PALB2: variants seen among roughly 807,000 people sequenced by gnomAD.
The protein encoded by PALB2 is mutant partner and localizer of BRCA2.
PALB2 carries 82 observed loss-of-function variants against 107.4 expected under a neutral mutation model. The observed-to-expected ratio is 0.76, with a 90% CI of 0.64 to 0.92. The LOEUF (loss-of-function observed/expected upper bound fraction) is 0.92. PALB2 is among the 40% of genes least tolerant of loss of function. PALB2 has a pLI of 0.00. For synonymous variants in PALB2, 489 were observed against 496.8 expected, an observed-to-expected ratio of 0.98 and a Z score of 0.21; for missense variants, 1,374 against 1,379.9, an observed-to-expected ratio of 1.00 and a Z score of 0.07.
chr16:23,610,955 C>G (rs1966573976), intron 11 of PALB2, among the ~76,000 whole-genome samples: 1 of 151,960 alleles, frequency 6.6e-6, no homozygotes, highest in Admixed American at 6.6e-5. Flanking sequence ...CACAGAATTG[C>G]TTGAACCTGG....
chr16:23,630,308 C>G lies in PALB2; in HGVS notation c.1846G>C (p.Asp616His), dbSNP rs786201907. Residue 616 changes from aspartate to histidine, a missense_variant, in exon 5 of 13, where the codon GAT becomes CAT. By Grantham distance (81) the Asp-to-His change is moderately conservative. Coordinates refer to ENST00000261584, the MANE Select transcript of PALB2 (RefSeq NM_024675.4). ...AGCTTAAGAGGTCCAAAGTCTTCAT[C>G]AGGTAACTGAAAGTCTGTGATACTG... ...FLSITDFQLP[D>H]EDFGPLKLEK... 6.2e-6 allele frequency: 10 copies of G among 1,614,194 alleles called. No individual in the cohort carries two copies. The highest frequency in any genetic ancestry group is 8.5e-6 in the Non-Finnish European group (10 of 1,180,044).
chr16:23,618,408 GGGAAGGAAAAA>G (rs1222333230), intron 10 of PALB2, among the ~76,000 whole-genome samples: 2 of 152,112 alleles, frequency 1.3e-5, no homozygotes, highest in Admixed American at 1.3e-4. Flanking sequence ...ACTGAGAGAT[GGGAAGGAAAAA>G]GGGAGGAAAG....
At chr16:23,639,403 G>C (rs955649654) in intron 1 of PALB2, among the ~76,000 whole-genome samples, 3 of 151,572 alleles carry the variant, frequency 2.0e-5, no homozygotes, top group Non-Finnish European at 4.4e-5. Flanking sequence ...TGTGGTGGTG[G>C]GTGCCTGTAG....
At position 23,634,973 on chromosome 16, in the gene PALB2, C is replaced by G. The variant is rs876659074; in HGVS notation, c.1573G>C (p.Asp525His). The part of the protein sequence containing the change: ...KRKSACTPAS[D>H]HCEPLLPTSS... ...GTTGGCAAAAGTGGTTCACAATGAT[C>G]TGATGCTGGGGTGCAGGCTGATTTT... The change falls in exon 4 of 13, where the codon GAT becomes CAT. Residue 525 changes from aspartate to histidine, a missense_variant. Transcript: ENST00000261584. 6.2e-7 allele frequency: 1 copy of G among 1,614,158 alleles called. No homozygotes were observed. The highest frequency in any genetic ancestry group is 1.3e-5 in the African/African-American group (1 of 75,050).
rs546015723 is a variant in PALB2, at chr16:23,636,237, C to T, written c.309G>A (p.Gly103=). The change falls in exon 4 of 13, where the codon GGG becomes GGA. Residue 103 remains glycine, a synonymous_variant. Transcript: ENST00000261584. Reference sequence around the variant, plus strand: ...CATCTCCAGGGTTAAAGGACTCAGGCCCAACATCAAGTGTGATAGATGTCT... The same window carrying T: ...CATCTCCAGGGTTAAAGGACTCAGGTCCAACATCAAGTGTGATAGATGTCT... ...GEKTSITLDV[G]PESFNPGDGP... is the part of the protein sequence containing the mutation. The T allele has an allele frequency of 1.9e-6, 3 of 1,613,724 alleles. No individual in the cohort carries two copies. The South Asian group carries it at 3.3e-5, about 18-fold the overall frequency.
intron 8 of PALB2, among the ~76,000 whole-genome samples, chr16:23,623,425 A>C (rs1186540098): frequency 6.7e-6 from 1 of 150,148 alleles, no homozygotes; most frequent in Non-Finnish European, 1.5e-5. Context: ...GCTGGTCTCG[A>C]ACTCCTGACC....
intron 1 of PALB2, chr16:23,640,742 C>G (rs1339855959): frequency 3.5e-6 from 1 of 282,528 alleles, no homozygotes; most frequent in East Asian, 5.5e-5. Context: ...CTCCACCACC[C>G]ACATTAACAC....
chr16:23,630,595 C>T (rs1018431196), intron 4 of PALB2, 126 bp from the exon 5 acceptor site: 2 of 802,928 alleles, frequency 2.5e-6, no homozygotes, highest in Non-Finnish European at 4.0e-6. Flanking sequence ...ACCTTAATTT[C>T]CCCAGAATGA....
chr16:23,616,465 T>C (rs1197748674), intron 10 of PALB2, among the ~76,000 whole-genome samples: 1 of 152,206 alleles, frequency 6.6e-6, no homozygotes, highest in Admixed American at 6.5e-5. Flanking sequence ...TCATACATGG[T>C]CTGTATTTAG....
At chr16:23,622,011 T>G (rs911512673) in intron 9 of PALB2, among the ~76,000 whole-genome samples, 3 of 152,162 alleles carry the variant, frequency 2.0e-5, no homozygotes, top group Admixed American at 2.0e-4. Flanking sequence ...ACCCCTAATT[T>G]AAGCAAACAA....
chr16:23,634,574 C>T (rs1966935427), intron 4 of PALB2, among the ~76,000 whole-genome samples: 1 of 152,104 alleles, frequency 6.6e-6, no homozygotes, highest in African/African-American at 2.4e-5. Context: ...AACATTTGAG[C>T]CCAGGAGATA....
chr16:23,603,782 G>T (rs1426912367), intron 12 of PALB2, 113 bp from the exon 13 acceptor site: 2 of 934,620 alleles, frequency 2.1e-6, no homozygotes, highest in African/African-American at 1.7e-5. Flanking sequence ...AAAAATCCCT[G>T]TAACTATGAA....
chr16:23,616,688 A>G (rs1202104135), intron 10 of PALB2, among the ~76,000 whole-genome samples: 1 of 152,202 alleles, frequency 6.6e-6, no homozygotes. Flanking sequence ...GAATGTTTGG[A>G]AGATATTAAA....
At chr16:23,607,265 AAC>A (rs1289894354) in intron 12 of PALB2, 3 of 151,048 alleles carry the variant, frequency 2.0e-5, no homozygotes, top group Non-Finnish European at 2.9e-5. Flanking sequence ...TTAAATACAG[AAC>A]GTTCATTACT....
intron 9 of PALB2, among the ~76,000 whole-genome samples, chr16:23,622,052 G>T (rs1416191117): frequency 1.3e-5 from 2 of 152,122 alleles, no homozygotes; most frequent in African/African-American, 4.8e-5. Context: ...TACTGCAACA[G>T]ATCATGAATA....
chr16:23,605,742 T>G (rs1966461089), intron 12 of PALB2: 1 of 152,202 alleles, frequency 6.6e-6, no homozygotes, highest in Non-Finnish European at 1.5e-5. Flanking sequence ...GTCTGAATGC[T>G]TGTGTCCTCC....
intron 11 of PALB2, among the ~76,000 whole-genome samples, chr16:23,610,308 TC>T (rs374270865): frequency 1.1e-3 from 159 of 149,426 alleles, no homozygotes; most frequent in Non-Finnish European, 1.6e-3. Context: ...CAATGTTATT[TC>T]TTTTTTTTTT....
intron 3 of PALB2, among the ~76,000 whole-genome samples, chr16:23,637,002 C>A (rs1271127405): frequency 6.6e-6 from 1 of 152,152 alleles, no homozygotes; most frequent in Non-Finnish European, 1.5e-5. Flanking sequence ...GTAATCCCAG[C>A]ACTTTGGGAG....
At chr16:23,641,082 G>A (rs769435363) in intron 1 of PALB2, 28 bp downstream of exon 1, 2 of 1,611,268 alleles carry the variant, frequency 1.2e-6, no homozygotes, top group Admixed American at 3.3e-5. Flanking sequence ...TCAGAGTCCT[G>A]CGTCCGCCCT....
Sources: allele counts gnomAD v4.1 joint callset (sites outside exome capture counted in the v4.1 genomes callset), GRCh38; gene constraint gnomAD v4.1.1; transcripts MANE v1.5; gene names NCBI Gene and HGNC (gene_info 2026-07-23, HGNC 2026-07-21).